SMAD5: variants seen among roughly 807,000 people sequenced by gnomAD.
SMAD5 encodes the protein MAD, mothers against decapentaplegic homolog 5.
A neutral mutation model predicts 43.1 loss-of-function variants in SMAD5; 9 were observed. The ratio of observed to expected loss-of-function variants is 0.21; its 90% CI spans 0.13 to 0.36. The LOEUF is 0.36. Ranked by LOEUF, SMAD5 falls within the 10% of genes least tolerant of loss-of-function variation. SMAD5 has a pLI of 1.00. For missense variants in SMAD5, 348 were observed against 574.0 expected, an observed-to-expected ratio of 0.61 and a Z score of 4.02; for synonymous variants, 190 against 192.4, an observed-to-expected ratio of 0.99 and a Z score of 0.10.
intron 5 of SMAD5, among the ~76,000 whole-genome samples, chr5:136,166,922 A>G (rs1414644148): frequency 1.3e-5 from 2 of 152,164 alleles, no homozygotes; most frequent in African/African-American, 4.8e-5. Context: ...CTTTAGAGGA[A>G]CTTGATACTC....
intron 1 of SMAD5, among the ~76,000 whole-genome samples, chr5:136,135,183 A>G (rs1454714792): frequency 6.6e-6 from 1 of 152,168 alleles, no homozygotes; most frequent in African/African-American, 2.4e-5. Context: ...GAATGTTGTT[A>G]CTAATGAGGT....
At chr5:136,142,293 C>T (rs60292919) in intron 1 of SMAD5, among the ~76,000 whole-genome samples, 169 of 152,194 alleles carry the variant, frequency 1.1e-3, no homozygotes, top group African/African-American at 4.0e-3. Flanking sequence ...GAAGACTTCC[C>T]CGAAGAAGGG....
Position 136,173,713 on chromosome 5 carries a change from G to A in SMAD5, c.998-663G>A, listed in dbSNP as rs1257213467. On this transcript the variant is annotated intron_variant, in intron 6 of 7. Coordinates refer to ENST00000545279, the MANE Select transcript of SMAD5 (RefSeq NM_005903.7). ...TCTTTCATGGGTTAGTTTTGGGGTG[G>A]TGGAGGGATATGTTGGGAAAATACT... Among the ~76,000 whole-genome samples the A allele has an allele frequency of 5.3e-5, 8 of 151,990 alleles. No homozygotes were observed. In the East Asian group the frequency reaches 1.5e-3, roughly 29 times the overall value.
intron 6 of SMAD5, 194 bp downstream of exon 6, chr5:136,172,849 G>C: frequency 1.8e-6 from 1 of 569,872 alleles, no homozygotes. Context: ...CCTGCTTAGT[G>C]TTTCTTCCCA....
chr5:136,138,858 G>T (rs1752974756), intron 1 of SMAD5, among the ~76,000 whole-genome samples: 1 of 152,134 alleles, frequency 6.6e-6, no homozygotes, highest in African/African-American at 2.4e-5. Flanking sequence ...TTGAGGGATG[G>T]TTCTAAGGAA....
At chr5:136,164,812 T>C (rs1223004356) in intron 5 of SMAD5, among the ~76,000 whole-genome samples, 2 of 152,174 alleles carry the variant, frequency 1.3e-5, no homozygotes, top group Admixed American at 6.5e-5. Context: ...CATGAAAATA[T>C]TATTTTATGT....
At position 136,178,827 on chromosome 5, in the gene SMAD5, G is replaced by A. The variant is rs893139557; in HGVS notation, c.*1347G>A. The A allele has an allele frequency of 6.6e-6, 1 of 152,370 alleles. No homozygotes were observed. Among genetic ancestry groups the A allele is most frequent in the African/African-American group, 2.4e-5 (1 of 41,444 alleles). 9.4% of individuals were successfully genotyped at this position (152,370 alleles called of 1,614,324 possible). A position where few individuals can be genotyped will look rare whatever the true frequency, so the allele number is the denominator to read the frequency against. ...CCCAGCACTTTGGGAGGCTGAGGCA[G>A]GCAGATCATGATGTCAGGAGTTTGA... On this transcript the variant is annotated 3_prime_UTR_variant, in exon 8 of 8. Coordinates refer to ENST00000545279, the MANE Select transcript of SMAD5 (RefSeq NM_005903.7).
chr5:136,138,118 C>T (rs1199481862), intron 1 of SMAD5, among the ~76,000 whole-genome samples: 2 of 152,164 alleles, frequency 1.3e-5, no homozygotes, highest in African/African-American at 4.8e-5. Flanking sequence ...GTGAGTGATA[C>T]ATTTAGATCA....
intron 2 of SMAD5, among the ~76,000 whole-genome samples, chr5:136,148,874 A>G (rs6596288): frequency 0.36 from 53,861 of 151,680 alleles, 10,409 homozygotes; most frequent in African/African-American, 0.52. Flanking sequence ...AGTCACAAGT[A>G]TGTTTTAAAG....
intron 5 of SMAD5, among the ~76,000 whole-genome samples, chr5:136,165,401 C>A (rs2149776039): frequency 6.6e-6 from 1 of 152,006 alleles, no homozygotes; most frequent in Middle Eastern, 3.4e-3. Context: ...TTTTTTATGG[C>A]AAACTATATA....
At chr5:136,175,073 A>G (rs1480674643) in intron 7 of SMAD5, among the ~76,000 whole-genome samples, 1 of 152,206 alleles carries the variant, frequency 6.6e-6, no homozygotes, top group Non-Finnish European at 1.5e-5. Context: ...CATATCTTAC[A>G]TGGCGGCAGG....
Position 136,132,956 on chromosome 5 carries a change from C to T in SMAD5, c.-251C>T, listed in dbSNP as rs1752722157. The T allele has an allele frequency of 6.6e-6, 1 of 152,282 alleles. No homozygotes were observed. Among genetic ancestry groups the T allele is most frequent in the Non-Finnish European group, 1.5e-5 (1 of 68,076 alleles). 9.4% of individuals were successfully genotyped at this position (152,282 alleles called of 1,614,324 possible). ...GCGTCGGGAGAGCGCGCCTAGCCGG[C>T]TCGCGAGTGAGTGAGGGTCCCCGGC... On this transcript the variant is annotated 5_prime_UTR_variant, in exon 1 of 8. Coordinates refer to ENST00000545279, the MANE Select transcript of SMAD5 (RefSeq NM_005903.7).
intron 1 of SMAD5, among the ~76,000 whole-genome samples, chr5:136,142,487 A>G (rs779794881): frequency 3.3e-5 from 5 of 152,170 alleles, no homozygotes; most frequent in Admixed American, 6.6e-5. Flanking sequence ...CAGAAGAATC[A>G]GGGAACCTCA....
intron 5 of SMAD5, among the ~76,000 whole-genome samples, chr5:136,167,823 A>G (rs1344304997): frequency 6.6e-6 from 1 of 151,670 alleles, no homozygotes; most frequent in Non-Finnish European, 1.5e-5. Flanking sequence ...AATTGCCTAC[A>G]TAGACCATGT....
chr5:136,170,927 A>G (rs1456902795), intron 5 of SMAD5, among the ~76,000 whole-genome samples: 2 of 152,084 alleles, frequency 1.3e-5, no homozygotes, highest in East Asian at 3.9e-4. Flanking sequence ...GTATCCTGCA[A>G]CCTTGCTATA....
intron 5 of SMAD5, among the ~76,000 whole-genome samples, chr5:136,169,961 A>T (rs547739293): frequency 7.2e-4 from 110 of 151,980 alleles, no homozygotes; most frequent in Non-Finnish European, 1.2e-3. Context: ...CTTTAATCAG[A>T]TTGTTTTTGA....
chr5:136,149,793 C>A (rs1474642759), intron 2 of SMAD5, among the ~76,000 whole-genome samples: 1 of 151,828 alleles, frequency 6.6e-6, no homozygotes, highest in Non-Finnish European at 1.5e-5. Context: ...ATAATTTCAT[C>A]AAAAGTGCTA....
intron 1 of SMAD5, among the ~76,000 whole-genome samples, chr5:136,144,790 A>G (rs956890136): frequency 2.0e-5 from 3 of 151,884 alleles, no homozygotes; most frequent in African/African-American, 7.2e-5. Context: ...TTGACTTACT[A>G]GAGAACTCAG....
intron 1 of SMAD5, among the ~76,000 whole-genome samples, chr5:136,137,270 A>ACCC (rs61537356): frequency 0.061 from 7,528 of 124,324 alleles, 806 homozygotes; most frequent in African/African-American, 0.2. Flanking sequence ...ATTTTTTGGG[A>ACCC]CCCCCCCCCG....
Sources: gnomAD v4.1 joint callset for allele counts (sites outside exome capture counted in the v4.1 genomes callset) on GRCh38, gnomAD v4.1.1 for gene constraint, MANE v1.5 for transcripts, NCBI Gene and HGNC (gene_info 2026-07-23, HGNC 2026-07-21) for gene names.